Variants in ZNF277 observed in about 807,000 individuals in gnomAD.
ZNF277 encodes zinc finger protein 277.
A neutral mutation model predicts 60.7 loss-of-function variants in ZNF277; 55 were observed. The ratio of observed to expected loss-of-function variants is 0.91; its 90% confidence interval spans 0.73 to 1.13. The LOEUF (loss-of-function observed/expected upper bound fraction) is 1.13, where lower values mean the gene tolerates loss of function less well. ZNF277 is among the 50% of genes most tolerant of loss of function. The probability of loss-of-function intolerance (pLI) is 0.00; values close to 1 mark genes in which losing one functional copy is unlikely to be tolerated. For missense variants in ZNF277, 510 were observed against 523.0 expected (o/e 0.98, Z 0.24); for synonymous variants, 178 against 179.3 (o/e 0.99, Z 0.06).
chr7:112,266,177 ACT>A (rs1277580934), intron 1 of ZNF277, among the ~76,000 whole-genome samples: 1 of 151,616 alleles, frequency 6.6e-6, no homozygotes, highest in East Asian at 1.9e-4. Flanking sequence ...AGTCTCACTC[ACT>A]CTGTCACCCA....
At chr7:112,286,676 C>T (rs1792070307) in intron 1 of ZNF277, among the ~76,000 whole-genome samples, 197 bp from the exon 2 acceptor site, 1 of 152,092 alleles carries the variant, frequency 6.6e-6, no homozygotes, top group South Asian at 2.1e-4. Flanking sequence ...TGCAATACTC[C>T]CTGCCTCTGG....
At chr7:112,310,160 ATCTTATGTGGCTCAGAGCCCCAACCC>A (rs1193484151) in intron 4 of ZNF277, among the ~76,000 whole-genome samples, 4 of 152,154 alleles carry the variant, frequency 2.6e-5, no homozygotes, top group Non-Finnish European at 2.9e-5. Context: ...GATGAGGCTC[ATCTTATGTGGCTCAGAGCCCCAACCC>A]ACTAATCACA....
At chr7:112,304,018 T>C (rs1350597415) in intron 4 of ZNF277, among the ~76,000 whole-genome samples, 1 of 152,124 alleles carries the variant, frequency 6.6e-6, no homozygotes, top group African/African-American at 2.4e-5. Flanking sequence ...GTGTATATCA[T>C]CATCCAGTTA....
At chr7:112,334,847 A>G (rs1173436430) in intron 7 of ZNF277, among the ~76,000 whole-genome samples, 1 of 152,134 alleles carries the variant, frequency 6.6e-6, no homozygotes, top group Non-Finnish European at 1.5e-5. Context: ...TTCATTACCA[A>G]ACTTTCTAAC....
intron 1 of ZNF277, among the ~76,000 whole-genome samples, chr7:112,250,388 G>A (rs1014954222): frequency 3.3e-5 from 5 of 152,036 alleles, no homozygotes; most frequent in Non-Finnish European, 5.9e-5. Flanking sequence ...CTGTGATCTC[G>A]CCCTGCCTCC....
chr7:112,309,052 C>T (rs1433155432), intron 4 of ZNF277, among the ~76,000 whole-genome samples: 2 of 151,946 alleles, frequency 1.3e-5, no homozygotes, highest in Non-Finnish European at 2.9e-5. Context: ...AGAGAGGGTA[C>T]CTTTTGAATG....
chr7:112,225,639 T>C (rs1041466734), intron 1 of ZNF277, among the ~76,000 whole-genome samples: 1 of 152,242 alleles, frequency 6.6e-6, no homozygotes, highest in African/African-American at 2.4e-5. Context: ...CAACCATGCA[T>C]ATTTACATGT....
intron 1 of ZNF277, among the ~76,000 whole-genome samples, chr7:112,280,660 C>CT (rs1397178431): frequency 2.0e-5 from 3 of 151,694 alleles, no homozygotes; most frequent in African/African-American, 7.3e-5. Context: ...AAGTCTCACT[C>CT]TGTCACCCAG....
intron 4 of ZNF277, among the ~76,000 whole-genome samples, chr7:112,313,913 G>A (rs892152025): frequency 5.3e-5 from 8 of 151,958 alleles, no homozygotes; most frequent in African/African-American, 1.9e-4. Flanking sequence ...GTTGCACCTC[G>A]GGTATAAATG....
At chr7:112,328,967 C>T (rs938272940) in intron 6 of ZNF277, among the ~76,000 whole-genome samples, 25 of 152,054 alleles carry the variant, frequency 1.6e-4, no homozygotes, top group African/African-American at 2.4e-4. Context: ...TATGTTAAAT[C>T]GAGTCCCTTC....
At chr7:112,213,720 T>G (rs1210440570) in intron 1 of ZNF277, among the ~76,000 whole-genome samples, 1 of 152,224 alleles carries the variant, frequency 6.6e-6, no homozygotes, top group Non-Finnish European at 1.5e-5. Context: ...TCATAGTAAC[T>G]AAATTCCATT....
Position 112,296,932 on chromosome 7 carries a change from T to TA in ZNF277, c.465+621_465+622insA. On this transcript the variant is annotated intron_variant, in intron 4 of 11. Coordinates refer to ENST00000361822, the MANE Select transcript of ZNF277 (RefSeq NM_021994.3). ...TATTTATTTTTTTTTTTTTTTTTTT[T>TA]TTTTTTTTTTTTTGAGATGGAGTCT... is the stretch of plus-strand genomic sequence containing the variant. Among the ~76,000 whole-genome samples, 4 of 75,146 alleles carry TA rather than the reference T, an allele frequency of 5.3e-5. No homozygotes were observed. In the South Asian group the frequency reaches 1.8e-3, roughly 35 times the overall value. 49.3% of individuals were successfully genotyped at this position (75,146 alleles called of 152,430 possible).
intron 1 of ZNF277, among the ~76,000 whole-genome samples, chr7:112,248,346 ATT>A (rs897252402): frequency 6.9e-6 from 1 of 144,024 alleles, no homozygotes; most frequent in Admixed American, 7.0e-5. Flanking sequence ...GGTTGGTTTT[ATT>A]TTTTTTTTTT....
chr7:112,293,057 A>G (rs1360397290), intron 2 of ZNF277, among the ~76,000 whole-genome samples: 2 of 152,178 alleles, frequency 1.3e-5, no homozygotes, highest in South Asian at 4.1e-4. Context: ...TCAACAATTT[A>G]TTTTGCACAT....
chr7:112,276,969 T>C (rs1791811545), intron 1 of ZNF277, among the ~76,000 whole-genome samples: 1 of 152,114 alleles, frequency 6.6e-6, no homozygotes, highest in Non-Finnish European at 1.5e-5. Context: ...ACTATTCACT[T>C]ACACATTATA....
chr7:112,302,949 C>CTTTTT (rs34593342), intron 4 of ZNF277, among the ~76,000 whole-genome samples: 6,131 of 132,672 alleles, frequency 0.046, 442 homozygotes, highest in African/African-American at 0.15. Context: ...GCAAATAGGC[C>CTTTTT]TTTTTTTTTT....
At chr7:112,266,773 T>TTG (rs1377935399) in intron 1 of ZNF277, among the ~76,000 whole-genome samples, 1 of 152,176 alleles carries the variant, frequency 6.6e-6, no homozygotes, top group African/African-American at 2.4e-5. Context: ...ATCAGCAGTG[T>TTG]TGTGGTTTTT....
At chr7:112,327,457 G>C (rs1793125071) in intron 5 of ZNF277, among the ~76,000 whole-genome samples, 1 of 151,922 alleles carries the variant, frequency 6.6e-6, no homozygotes, top group South Asian at 2.1e-4. Context: ...CTGGTTTAAA[G>C]GACAGAACCT....
intron 10 of ZNF277, 127 bp downstream of exon 10, chr7:112,340,012 T>C (rs1308817567): frequency 5.9e-6 from 5 of 843,768 alleles, no homozygotes; most frequent in Non-Finnish European, 9.5e-6. Context: ...CTATAGATGG[T>C]CTTGACAGAA....
Sources: allele counts gnomAD v4.1 joint callset (sites outside exome capture counted in the v4.1 genomes callset), GRCh38; gene constraint gnomAD v4.1.1; transcripts MANE v1.5; gene names NCBI Gene and HGNC (gene_info 2026-07-23, HGNC 2026-07-21).